TTBK2: variants seen among roughly 807,000 people sequenced by gnomAD.
TTBK2 encodes the protein tau-tubulin kinase 2.
In TTBK2, 28 loss-of-function variants were observed where a neutral mutation model predicts 110.8. The observed-to-expected ratio is 0.25, with a 90% confidence interval of 0.19 to 0.35. TTBK2 has a LOEUF of 0.35. Among genes scored for constraint, TTBK2 ranks in the 10% least tolerant of loss-of-function variants. The pLI is 1.00. For synonymous variants in TTBK2, 532 were observed against 527.3 expected (o/e 1.01, Z -0.12); for missense variants, 1,369 against 1,500.3 (o/e 0.91, Z 1.45).
intron 1 of TTBK2, among the ~76,000 whole-genome samples, chr15:42,882,544 T>A (rs1397291950): frequency 6.6e-6 from 1 of 151,348 alleles, no homozygotes; most frequent in Non-Finnish European, 1.5e-5. Context: ...GACCCAGGAG[T>A]TGGAGGTTGC....
At chr15:42,829,825 C>T in intron 5 of TTBK2, 113 bp downstream of exon 5, 1 of 1,432,910 alleles carries the variant, frequency 7.0e-7, no homozygotes, top group South Asian at 1.2e-5. Flanking sequence ...GAAAATATTA[C>T]CTTGTATTTT....
chr15:42,918,797 T>C (rs1596060328), intron 1 of TTBK2, among the ~76,000 whole-genome samples: 1 of 152,128 alleles, frequency 6.6e-6, no homozygotes, highest in East Asian at 1.9e-4. Context: ...TAATCAACAC[T>C]TAAAATCAAA....
chr15:42,828,399 A>T (rs1892616661), intron 5 of TTBK2, among the ~76,000 whole-genome samples: 1 of 151,772 alleles, frequency 6.6e-6, no homozygotes, highest in African/African-American at 2.4e-5. Flanking sequence ...AAAAAAAAAA[A>T]ACCCCGTAGA....
intron 14 of TTBK2, 24 bp downstream of exon 14, chr15:42,751,950 C>T: frequency 6.2e-7 from 1 of 1,613,874 alleles, no homozygotes; most frequent in Non-Finnish European, 8.5e-7. Context: ...ACACACTTAA[C>T]ACAGGGAGAG....
chr15:42,779,253 C>A (rs930998208), intron 11 of TTBK2, among the ~76,000 whole-genome samples: 2 of 151,920 alleles, frequency 1.3e-5, no homozygotes, highest in South Asian at 2.1e-4. Flanking sequence ...AAAATACACA[C>A]AAAAAATTAG....
intron 3 of TTBK2, among the ~76,000 whole-genome samples, chr15:42,857,232 A>G (rs1211393571): frequency 1.3e-5 from 2 of 152,104 alleles, no homozygotes; most frequent in African/African-American, 4.8e-5. Context: ...AGTAAAGTCC[A>G]GGGCCAGGTG....
intron 1 of TTBK2, among the ~76,000 whole-genome samples, chr15:42,904,992 T>C (rs2030296085): frequency 2.0e-5 from 3 of 151,952 alleles, no homozygotes; most frequent in Admixed American, 2.0e-4. Context: ...CCACCTCAGC[T>C]TCCCAAGTAG....
intron 9 of TTBK2, among the ~76,000 whole-genome samples, chr15:42,800,021 C>A (rs763960824): frequency 4.1e-4 from 63 of 151,972 alleles, no homozygotes; most frequent in Non-Finnish European, 7.9e-4. Context: ...TTACTTGAGC[C>A]CGAGGAGGCA....
At chr15:42,887,616 G>A (rs904553916) in intron 1 of TTBK2, among the ~76,000 whole-genome samples, 12 of 152,086 alleles carry the variant, frequency 7.9e-5, no homozygotes, top group African/African-American at 2.4e-4. Flanking sequence ...CAGGATCTGC[G>A]CCTTATCAAC....
chr15:42,812,807 A>T (rs538222950), intron 7 of TTBK2, among the ~76,000 whole-genome samples: 5 of 152,296 alleles, frequency 3.3e-5, no homozygotes, highest in African/African-American at 1.2e-4. Flanking sequence ...ATGATTAAAA[A>T]GAACATCTAG....
Position 42,740,409 on chromosome 15 carries a change from T to G in TTBK2, c.*5386A>C, listed in dbSNP as rs1000757560. The G allele has an allele frequency of 6.6e-6, 1 of 152,224 alleles. No homozygotes were observed. The highest frequency in any genetic ancestry group is 1.5e-5 in the Non-Finnish European group (1 of 68,038). The allele number at this position is 152,224 out of a possible 1,614,324, so 9.4% of individuals were successfully genotyped here. A position where few individuals can be genotyped will look rare whatever the true frequency, so the allele number is the denominator to read the frequency against. On this transcript the variant is annotated 3_prime_UTR_variant, in exon 15 of 15. Coordinates refer to ENST00000267890, the MANE Select transcript of TTBK2 (RefSeq NM_173500.4). ...GTGGAAATTCAAGGTGACCTGATCT[T>G]GTCACATACTTTAATTTTCTGATCC...
chr15:42,879,637 T>C (rs1011628881), intron 1 of TTBK2, among the ~76,000 whole-genome samples: 4 of 150,444 alleles, frequency 2.7e-5, no homozygotes, highest in Non-Finnish European at 5.9e-5. Context: ...CAAAATCTTA[T>C]TTACAAAAAA....
At chr15:42,904,772 G>A (rs1428470339) in intron 1 of TTBK2, among the ~76,000 whole-genome samples, 2 of 152,144 alleles carry the variant, frequency 1.3e-5, no homozygotes, top group African/African-American at 2.4e-5. Context: ...ATATCATAAT[G>A]ATTATCCTCT....
intron 11 of TTBK2, 99 bp from the exon 12 acceptor site, chr15:42,777,341 A>G: frequency 7.9e-7 from 1 of 1,257,934 alleles, no homozygotes. Flanking sequence ...AAATGATTAG[A>G]TGTGTTTTCA....
chr15:42,801,337 G>A (rs1430247993), intron 9 of TTBK2: 2 of 1,582,998 alleles, frequency 1.3e-6, no homozygotes, highest in Non-Finnish European at 1.7e-6. Flanking sequence ...GCTAGCTGCA[G>A]GGCGGCCTCC....
At chr15:42,843,492 G>A (rs549368589) in intron 3 of TTBK2, among the ~76,000 whole-genome samples, 134 of 152,246 alleles carry the variant, frequency 8.8e-4, no homozygotes, top group Non-Finnish European at 1.4e-3. Flanking sequence ...TGGGCGCAGT[G>A]GCTCACGCCT....
chr15:42,842,420 T>C (rs1249534895), intron 3 of TTBK2, among the ~76,000 whole-genome samples: 1 of 152,082 alleles, frequency 6.6e-6, no homozygotes, highest in African/African-American at 2.4e-5. Flanking sequence ...AGCCAGTTTA[T>C]AATGGGTTAA....
Position 42,894,621 on chromosome 15 carries a change from T to G in TTBK2, c.-67-15937A>C, listed in dbSNP as rs570240873. Among the ~76,000 whole-genome samples, 4 of 152,140 alleles carry G rather than the reference T, an allele frequency of 2.6e-5. No individual in the cohort carries two copies. The East Asian group carries it at 7.7e-4, about 29-fold the overall frequency. The stretch of plus-strand genomic sequence containing the variant: ...ACTAAAAATTAGCTGGACATGGTGA[T>G]GCACACCTGTAGCCTCAGCTACTCA... On this transcript the variant is annotated intron_variant, in intron 1 of 14. Coordinates refer to ENST00000267890, the MANE Select transcript of TTBK2 (RefSeq NM_173500.4).
intron 1 of TTBK2, among the ~76,000 whole-genome samples, chr15:42,879,996 C>CAAAAAAAAAAAAAAAAA (rs71108186): frequency 1.3e-5 from 1 of 74,464 alleles, no homozygotes; most frequent in Non-Finnish European, 2.8e-5. Flanking sequence ...GATCCTGTCT[C>CAAAAAAAAAAAAAAAAA]AAAAAAAAAA....
Sources: gnomAD v4.1 joint callset for allele counts (sites outside exome capture counted in the v4.1 genomes callset) on GRCh38, gnomAD v4.1.1 for gene constraint, MANE v1.5 for transcripts, NCBI Gene and HGNC (gene_info 2026-07-23, HGNC 2026-07-21) for gene names.